Variants in NKAIN2 observed in about 807,000 individuals in gnomAD.
NKAIN2 encodes sodium/potassium transporting ATPase interacting 2.
Under a neutral mutation model 32.6 loss-of-function variants are expected in NKAIN2, and 14 were observed. That is an observed-to-expected ratio of 0.43 (90% CI 0.28 to 0.67). The LOEUF is 0.67. NKAIN2 is among the 30% of genes least tolerant of loss of function. NKAIN2 has a pLI of 0.17. For missense variants in NKAIN2, 198 were observed against 258.3 expected (o/e 0.77, Z 1.60); for synonymous variants, 80 against 87.2 (o/e 0.92, Z 0.46).
intron 3 of NKAIN2, among the ~76,000 whole-genome samples, chr6:124,634,323 A>C (rs182438713): frequency 1.6e-3 from 248 of 152,332 alleles, no homozygotes; most frequent in Non-Finnish European, 3.0e-3. Flanking sequence ...AGTGAGATAC[A>C]TGAGAACACT....
chr6:124,204,580 T>C (rs1169127340), intron 1 of NKAIN2, among the ~76,000 whole-genome samples: 1 of 151,854 alleles, frequency 6.6e-6, no homozygotes, highest in East Asian at 1.9e-4. Context: ...TAAGTGGTCA[T>C]GTTAGCAATG....
At chr6:123,824,840 C>T (rs1774079716) in intron 1 of NKAIN2, among the ~76,000 whole-genome samples, 1 of 152,070 alleles carries the variant, frequency 6.6e-6, no homozygotes, top group Non-Finnish European at 1.5e-5. Context: ...GGACACCAGG[C>T]AACCTTTTTG....
intron 3 of NKAIN2, among the ~76,000 whole-genome samples, chr6:124,516,626 G>C (rs1221366457): frequency 6.6e-6 from 1 of 152,078 alleles, no homozygotes; most frequent in Non-Finnish European, 1.5e-5. Context: ...AAACACATTT[G>C]TGTTCCTCAG....
chr6:124,288,908 A>T (rs1044074626), intron 2 of NKAIN2, among the ~76,000 whole-genome samples: 4 of 152,178 alleles, frequency 2.6e-5, no homozygotes, highest in African/African-American at 9.7e-5. Context: ...TATGACACCA[A>T]GTTAGACTAC....
At chr6:124,800,668 G>A (rs745691515) in intron 5 of NKAIN2, among the ~76,000 whole-genome samples, 8 of 152,136 alleles carry the variant, frequency 5.3e-5, no homozygotes, top group Non-Finnish European at 7.4e-5. Context: ...AAATTAGGAC[G>A]TTACTATCAA....
chr6:124,088,169 C>T (rs1478547036), intron 1 of NKAIN2, among the ~76,000 whole-genome samples: 1 of 151,716 alleles, frequency 6.6e-6, no homozygotes, highest in African/African-American at 2.4e-5. Flanking sequence ...GCCCTTGCTA[C>T]AAAAAATGGT....
At chr6:123,970,261 T>A (rs1028104124) in intron 1 of NKAIN2, among the ~76,000 whole-genome samples, 1 of 152,144 alleles carries the variant, frequency 6.6e-6, no homozygotes, top group Non-Finnish European at 1.5e-5. Flanking sequence ...GTTTCACTCC[T>A]GTCACAAAAT....
intron 5 of NKAIN2, among the ~76,000 whole-genome samples, chr6:124,801,509 A>C (rs565263104): frequency 6.6e-6 from 1 of 152,208 alleles, no homozygotes; most frequent in African/African-American, 2.4e-5. Flanking sequence ...TATACTTTCC[A>C]TGTCACTTCA....
chr6:124,086,262 T>C (rs923816361), intron 1 of NKAIN2, among the ~76,000 whole-genome samples: 8 of 152,002 alleles, frequency 5.3e-5, no homozygotes, highest in African/African-American at 1.9e-4. Context: ...GTGTTTGAAA[T>C]ATGACTGGTT....
At chr6:124,286,903 C>T (rs919260123) in intron 2 of NKAIN2, among the ~76,000 whole-genome samples, 9 of 151,968 alleles carry the variant, frequency 5.9e-5, no homozygotes, top group African/African-American at 1.7e-4. Context: ...AGGCTGGTCT[C>T]GAACTCCTGA....
chr6:124,495,285 T>A (rs1411235291), intron 3 of NKAIN2, among the ~76,000 whole-genome samples: 3 of 152,140 alleles, frequency 2.0e-5, no homozygotes, highest in Non-Finnish European at 2.9e-5. Flanking sequence ...ATTTAAAAAA[T>A]TTTCTTAAGA....
intron 1 of NKAIN2, among the ~76,000 whole-genome samples, chr6:123,874,908 CAT>C (rs35545091): frequency 6.2e-4 from 84 of 134,830 alleles, no homozygotes; most frequent in Middle Eastern, 3.7e-3. Flanking sequence ...TACATACATA[CAT>C]ATATATATGT....
chr6:124,529,450 C>A (rs1021993209), intron 3 of NKAIN2, among the ~76,000 whole-genome samples: 1 of 152,164 alleles, frequency 6.6e-6, no homozygotes, highest in Non-Finnish European at 1.5e-5. Flanking sequence ...TCACAGAAAA[C>A]CCTTATAATT....
intron 4 of NKAIN2, among the ~76,000 whole-genome samples, chr6:124,669,324 C>G (rs1772977542): frequency 6.6e-6 from 1 of 152,132 alleles, no homozygotes; most frequent in Non-Finnish European, 1.5e-5. Flanking sequence ...ACTGTACATA[C>G]AGGGGTGAGT....
At chr6:124,478,690 T>C (rs1363076533) in intron 3 of NKAIN2, among the ~76,000 whole-genome samples, 4 of 152,204 alleles carry the variant, frequency 2.6e-5, no homozygotes, top group African/African-American at 9.7e-5. Flanking sequence ...AAGTAAATGA[T>C]TGAATACATG....
At chr6:124,755,219 G>GTT (rs1777906651) in intron 4 of NKAIN2, among the ~76,000 whole-genome samples, 1 of 152,084 alleles carries the variant, frequency 6.6e-6, no homozygotes, top group Admixed American at 6.6e-5. Context: ...ATGTCCAAAG[G>GTT]CAGGAGGAAC....
chr6:124,734,344 G>A (rs1377711114), intron 4 of NKAIN2, among the ~76,000 whole-genome samples: 1 of 151,744 alleles, frequency 6.6e-6, no homozygotes, highest in Non-Finnish European at 1.5e-5. Context: ...TCAGGACTGG[G>A]ATCTTGCCTT....
chr6:124,611,409 G>C (rs1472813936), intron 3 of NKAIN2, among the ~76,000 whole-genome samples: 5 of 152,066 alleles, frequency 3.3e-5, no homozygotes, highest in Admixed American at 3.3e-4. Flanking sequence ...TGTGTAGAAT[G>C]TGCAGGTTTG....
intron 1 of NKAIN2, among the ~76,000 whole-genome samples, chr6:123,920,810 G>A (rs897802841): frequency 5.9e-5 from 9 of 152,140 alleles, no homozygotes; most frequent in Non-Finnish European, 7.4e-5. Context: ...AATCATATCT[G>A]CATCATTACT....
Sources: allele counts gnomAD v4.1 joint callset (sites outside exome capture counted in the v4.1 genomes callset), GRCh38; gene constraint gnomAD v4.1.1; transcripts MANE v1.5; gene names NCBI Gene and HGNC (gene_info 2026-07-23, HGNC 2026-07-21).